ANKRD12: variants seen among roughly 807,000 people sequenced by gnomAD.
The protein encoded by ANKRD12 is ankyrin repeat domain-containing protein 12.
ANKRD12 carries 85 observed loss-of-function variants against 183.4 expected under a neutral mutation model. The observed-to-expected ratio is 0.46, with a 90% confidence interval of 0.39 to 0.56. The LOEUF (loss-of-function observed/expected upper bound fraction) is 0.56, where lower values mean the gene tolerates loss of function less well. Ranked by LOEUF, ANKRD12 falls within the 20% of genes least tolerant of loss-of-function variation. ANKRD12 has a pLI of 0.00. For missense variants in ANKRD12, 2,405 were observed against 2,357.1 expected, an observed-to-expected ratio of 1.02 and a Z score of -0.42; for synonymous variants, 914 against 800.2, an observed-to-expected ratio of 1.14 and a Z score of -2.40.
chr18:9,225,487 A>AAAG (rs2036652110), intron 8 of ANKRD12, among the ~76,000 whole-genome samples: 2 of 151,674 alleles, frequency 1.3e-5, no homozygotes, highest in African/African-American at 4.8e-5. Flanking sequence ...AAAAAAAAAA[A>AAAG]AAGTATTCAA....
intron 2 of ANKRD12, among the ~76,000 whole-genome samples, chr18:9,189,601 T>G (rs2034324357): frequency 6.6e-6 from 1 of 152,200 alleles, no homozygotes; most frequent in Non-Finnish European, 1.5e-5. Context: ...AGCTGACAAC[T>G]ATTAAGTTAA....
At chr18:9,160,097 G>A (rs961018939) in intron 1 of ANKRD12, among the ~76,000 whole-genome samples, 1 of 151,822 alleles carries the variant, frequency 6.6e-6, no homozygotes, top group African/African-American at 2.4e-5. Flanking sequence ...TGGTAAAACC[G>A]TGTCTCTACC....
Position 9,256,028 on chromosome 18 carries a change from C to A in ANKRD12, c.2761C>A (p.His921Asn). 6.4e-7 allele frequency: 1 copy of A among 1,555,364 alleles called. No homozygotes were observed. The highest frequency in any genetic ancestry group is 2.2e-5 in the Admixed American group (1 of 45,616). The change falls in exon 9 of 13, where the codon CAT becomes AAT. Residue 921 changes from histidine to asparagine, a missense_variant. Physicochemically the swap from His to Asn is moderately conservative, Grantham distance 68. Coordinates refer to ENST00000262126, the MANE Select transcript of ANKRD12 (RefSeq NM_015208.5). ...HDKEKPEKER[H>N]LAESKEKHLM... ...CAAAGAAAAGCCTGAAAAAGAGAGGCATCTAGCAGAAAGCAAAGAAAAGCA... is the reference window on the plus strand; with the variant it reads ...CAAAGAAAAGCCTGAAAAAGAGAGGAATCTAGCAGAAAGCAAAGAAAAGCA...
rs1365895677 is a variant in ANKRD12, at chr18:9,279,736, G to T, written c.6003+92G>T. 5.6e-6 allele frequency: 4 copies of T among 718,238 alleles called. No individual in the cohort carries two copies. The East Asian group carries it at 1.1e-4, about 19-fold the overall frequency. The allele number at this position is 718,238 out of a possible 1,614,324, so 44.5% of individuals were successfully genotyped here. A position where few individuals can be genotyped will look rare whatever the true frequency, so the allele number is the denominator to read the frequency against. On this transcript the variant is annotated intron_variant, in intron 12 of 12. Coordinates refer to ENST00000262126, the MANE Select transcript of ANKRD12 (RefSeq NM_015208.5). ...AGCTGTATTAGGGAGAAATAATTAG[G>T]AGGGGAAATACTGGTTAGTCATGAA...
rs1392195928 is a variant in ANKRD12 at position 9,258,057 on chromosome 18, C to T, written c.4790C>T (p.Ser1597Phe). The T allele has an allele frequency of 6.2e-7, 1 of 1,613,394 alleles. No homozygotes were observed. Among genetic ancestry groups the T allele is most frequent in the East Asian group, 2.2e-5 (1 of 44,872 alleles). The change falls in exon 9 of 13, where the codon TCT (serine) becomes TTT (phenylalanine). Residue 1597 changes from serine (S) to phenylalanine (F), a missense_variant. Coordinates refer to ENST00000262126, the MANE Select transcript of ANKRD12 (RefSeq NM_015208.5). ...AAGGACTTTAATGGAAGTGATGCCT[C>T]TACCCAGCTAAATACACATTATGCA... ...SEKDFNGSDA[S>F]TQLNTHYAFS...
chr18:9,263,212 C>T (rs2039084571), intron 9 of ANKRD12, among the ~76,000 whole-genome samples: 1 of 152,074 alleles, frequency 6.6e-6, no homozygotes. Flanking sequence ...TGATATTACA[C>T]TACAATATCA....
chr18:9,270,206 G>A lies in ANKRD12; in HGVS notation c.5764-5318G>A, dbSNP rs1369580435. ...CAACCATTGTGGAAGTCAGTGTGGCGATTCCTTAGGGATCTAGAACTAGAA... is the reference window on the plus strand; with the variant it reads ...CAACCATTGTGGAAGTCAGTGTGGCAATTCCTTAGGGATCTAGAACTAGAA... On this transcript the variant is annotated intron_variant, in intron 10 of 12. Transcript: ENST00000262126. Among the ~76,000 whole-genome samples the A allele has an allele frequency of 4.6e-5, 7 of 152,260 alleles. No individual in the cohort carries two copies. The South Asian group carries it at 6.2e-4, about 14-fold the overall frequency.
At chr18:9,195,430 G>T in intron 2 of ANKRD12, 121 bp from the exon 3 acceptor site, 1 of 569,636 alleles carries the variant, frequency 1.8e-6, no homozygotes, top group Non-Finnish European at 2.7e-6. Context: ...TGAGTACATT[G>T]AATACAGTGA....
At chr18:9,188,346 G>C (rs568372009) in intron 2 of ANKRD12, among the ~76,000 whole-genome samples, 1 of 152,320 alleles carries the variant, frequency 6.6e-6, no homozygotes, top group African/African-American at 2.4e-5. Flanking sequence ...CAGCAAACAG[G>C]TATGTCCTTA....
chr18:9,177,292 G>A (rs2033348687), intron 1 of ANKRD12, among the ~76,000 whole-genome samples: 1 of 152,148 alleles, frequency 6.6e-6, no homozygotes, highest in Admixed American at 6.5e-5. Context: ...TCAGCAAGTG[G>A]CCGTACCGCT....
At position 9,281,384 on chromosome 18, in the gene ANKRD12, T is replaced by TG; in HGVS notation, c.*260dup. On this transcript the variant is annotated 3_prime_UTR_variant, in exon 13 of 13. Transcript: ENST00000262126. ...ATTGCATTAGAGCATGTTGGCAGAC[T>TG]GGTAGGTATTTAAAAAGTTGAGAAT... The TG allele has an allele frequency of 3.7e-6, 1 of 271,172 alleles. No homozygotes were observed. The highest frequency in any genetic ancestry group is 6.8e-6 in the Non-Finnish European group (1 of 147,038). The allele number at this position is 271,172 out of a possible 1,614,324, so 16.8% of individuals were successfully genotyped here.
At chr18:9,195,043 A>G (rs2034692341) in intron 2 of ANKRD12, among the ~76,000 whole-genome samples, 2 of 152,170 alleles carry the variant, frequency 1.3e-5, no homozygotes, top group African/African-American at 4.8e-5. Context: ...AGCAACATGG[A>G]TGGAGCTGGA....
intron 2 of ANKRD12, among the ~76,000 whole-genome samples, chr18:9,189,734 G>C (rs2034332650): frequency 6.6e-6 from 1 of 152,174 alleles, no homozygotes; most frequent in Admixed American, 6.5e-5. Context: ...TTCACAGCAT[G>C]GTTTCCTGAA....
intron 10 of ANKRD12, among the ~76,000 whole-genome samples, chr18:9,273,651 C>G (rs1295666561): frequency 6.6e-6 from 1 of 152,120 alleles, no homozygotes; most frequent in Non-Finnish European, 1.5e-5. Context: ...GAAATGAAAA[C>G]ATGCATCCAA....
At chr18:9,245,366 A>G (rs8096739) in intron 8 of ANKRD12, among the ~76,000 whole-genome samples, 151,877 of 151,960 alleles carry the variant, frequency 1, 75,897 homozygotes, top group Middle Eastern at 1. Flanking sequence ...TGGGAGAATC[A>G]CTTGAGCCCA....
At chr18:9,196,917 G>T (rs917962104) in intron 3 of ANKRD12, among the ~76,000 whole-genome samples, 1 of 152,018 alleles carries the variant, frequency 6.6e-6, no homozygotes, top group Non-Finnish European at 1.5e-5. Context: ...TGAGAAGAGG[G>T]TGCTTATGTG....
chr18:9,224,061 A>G (rs534027629), intron 8 of ANKRD12, among the ~76,000 whole-genome samples: 24 of 152,368 alleles, frequency 1.6e-4, no homozygotes, highest in African/African-American at 5.8e-4. Context: ...TCTAGACAAT[A>G]TAGCAGAATG....
chr18:9,184,717 A>G (rs987568385), intron 2 of ANKRD12, among the ~76,000 whole-genome samples: 41 of 152,090 alleles, frequency 2.7e-4, no homozygotes, highest in African/African-American at 9.7e-4. Flanking sequence ...TATAATTCGC[A>G]TGCCATACAT....
chr18:9,189,637 A>T (rs1321696576), intron 2 of ANKRD12, among the ~76,000 whole-genome samples: 2 of 152,190 alleles, frequency 1.3e-5, no homozygotes, highest in Admixed American at 1.3e-4. Flanking sequence ...TCCATTGCAA[A>T]AACGCCAAGA....
Sources: allele counts gnomAD v4.1 joint callset (sites outside exome capture counted in the v4.1 genomes callset), GRCh38; gene constraint gnomAD v4.1.1; transcripts MANE v1.5; gene names NCBI Gene and HGNC (gene_info 2026-07-23, HGNC 2026-07-21).